The following MYO3B variants were observed in gnomAD, a reference collection of about 807,000 sequenced individuals.
MYO3B encodes the protein myosin-IIIb.
In MYO3B, 156 loss-of-function variants were observed where a neutral mutation model predicts 174.6. The observed-to-expected ratio is 0.89, with a 90% CI of 0.78 to 1.02. The LOEUF is 1.02. MYO3B is among the 50% of genes least tolerant of loss of function. MYO3B has a pLI of 0.00. For synonymous variants in MYO3B, 563 were observed against 569.1 expected (o/e 0.99, Z 0.15); for missense variants, 1,632 against 1,639.4 (o/e 1.00, Z 0.08).
At position 170,214,786 on chromosome 2, in the gene MYO3B, A is replaced by T; in HGVS notation, c.484A>T (p.Ile162Phe). 1 of 1,614,146 alleles carries T rather than the reference A, an allele frequency of 6.2e-7. No homozygotes were observed. The highest frequency in any genetic ancestry group is 8.5e-7 in the Non-Finnish European group (1 of 1,180,008). Residue 162 changes from isoleucine (I) to phenylalanine (F), a missense_variant, in exon 5 of 35, where the codon ATT (isoleucine) becomes TTT (phenylalanine). Coordinates refer to ENST00000408978, the MANE Select transcript of MYO3B (RefSeq NM_138995.5). ...IIHRDVKGNN[I>F]LLTTEGGVKL... is the part of the protein sequence containing the mutation. ...CCACCGTGATGTGAAGGGGAATAAC[A>T]TTCTTCTGACAACAGAAGGAGGAGT...
rs375081165 is a variant in MYO3B at position 170,387,309 on chromosome 2, G to A, written c.1577+1G>A. On this transcript the variant is annotated splice_donor_variant, in intron 14 of 34. Transcript: ENST00000408978. LOFTEE classifies it high-confidence loss of function. ...AATCCAGAGTTATAAAACAGGCAGC[G>A]TAGGTGCACTACTTTATCACTGTGT... The A allele has an allele frequency of 4.2e-5, 67 of 1,613,742 alleles. No homozygotes were observed. The highest frequency in any genetic ancestry group is 4.9e-5 in the Non-Finnish European group (58 of 1,179,800).
chr2:170,487,945 G>GA (rs1012627058), intron 25 of MYO3B, among the ~76,000 whole-genome samples: 10 of 152,062 alleles, frequency 6.6e-5, no homozygotes, highest in Admixed American at 3.3e-4. Flanking sequence ...TAACCAAGGG[G>GA]AAAAAAATAG....
At chr2:170,332,439 A>T (rs1403735570) in intron 7 of MYO3B, among the ~76,000 whole-genome samples, 2 of 152,176 alleles carry the variant, frequency 1.3e-5, no homozygotes, top group Non-Finnish European at 2.9e-5. Flanking sequence ...AAATGAAACA[A>T]AAGAATAACC....
At chr2:170,195,899 C>A (rs571927645) in intron 1 of MYO3B, among the ~76,000 whole-genome samples, 7 of 152,304 alleles carry the variant, frequency 4.6e-5, no homozygotes, top group Admixed American at 2.6e-4. Context: ...ATCTTTTAAT[C>A]CAAGCAAGTT....
chr2:170,389,866 T>C (rs1668081543), intron 14 of MYO3B, among the ~76,000 whole-genome samples: 1 of 152,126 alleles, frequency 6.6e-6, no homozygotes, highest in South Asian at 2.1e-4. Flanking sequence ...TATTTAAGCT[T>C]ACCGTTATTC....
chr2:170,269,708 CCAAA>C lies in MYO3B; in HGVS notation c.749+33576_749+33579del, dbSNP rs548632891. Among the ~76,000 whole-genome samples, 13 of 152,218 alleles carry C rather than the reference CCAAA, an allele frequency of 8.5e-5. No homozygotes were observed. The East Asian group carries it at 1.7e-3, about 20-fold the overall frequency. On this transcript the variant is annotated intron_variant, in intron 7 of 34. Transcript: ENST00000408978. ...AAACTAACCAAAAGTAGGGAAATGG[CCAAA>C]CAATTAGGATATATAAATTCTGTGG...
At chr2:170,391,910 T>C (rs958825706) in intron 15 of MYO3B, among the ~76,000 whole-genome samples, 4 of 151,810 alleles carry the variant, frequency 2.6e-5, no homozygotes, top group African/African-American at 4.8e-5. Context: ...ATCCCAGTGC[T>C]TTGGCAAGCT....
intron 22 of MYO3B, among the ~76,000 whole-genome samples, chr2:170,437,590 C>G (rs1465983747): frequency 1.3e-5 from 2 of 152,102 alleles, no homozygotes; most frequent in African/African-American, 4.8e-5. Context: ...ATACTTTTTC[C>G]TATCATATTT....
At chr2:170,292,898 G>A (rs934628284) in intron 7 of MYO3B, among the ~76,000 whole-genome samples, 1 of 152,098 alleles carries the variant, frequency 6.6e-6, no homozygotes, top group African/African-American at 2.4e-5. Flanking sequence ...GCTTCCAGTG[G>A]GTAGAGGCAA....
Position 170,653,057 on chromosome 2 carries a change from A to G in MYO3B, c.3962A>G (p.Asn1321Ser), listed in dbSNP as rs990632851. The change falls in exon 35 of 35, where the codon AAC becomes AGC. Residue 1321 changes from asparagine to serine, a missense_variant. Coordinates refer to ENST00000408978, the MANE Select transcript of MYO3B (RefSeq NM_138995.5). ...LSPVDCIPEENNSAHPSFFSS... is the reference protein window; with the variant it reads ...LSPVDCIPEESNSAHPSFFSS... ...CCAGTGGACTGTATCCCTGAGGAGA[A>G]CAACTCAGCCCACCCTTCCTTTTTT... 1 of 1,614,200 alleles carries G rather than the reference A, an allele frequency of 6.2e-7. No homozygotes were observed.
chr2:170,197,856 T>C lies in MYO3B; in HGVS notation c.3-1352T>C, dbSNP rs2092617532. On this transcript the variant is annotated intron_variant, in intron 1 of 34. Transcript: ENST00000408978. Reference sequence around the variant, plus strand: ...GACCTGTTATTGAAAGAAGGGTAGATGGTGTACAATCACCTTGAAAAAAGT... The same window carrying C: ...GACCTGTTATTGAAAGAAGGGTAGACGGTGTACAATCACCTTGAAAAAAGT... 2.0e-5 allele frequency among the ~76,000 whole-genome samples: 3 copies of C among 152,200 alleles called. No individual in the cohort carries two copies. The South Asian group carries it at 6.2e-4, about 31-fold the overall frequency.
intron 16 of MYO3B, among the ~76,000 whole-genome samples, chr2:170,394,432 A>G (rs890471611): frequency 4.6e-5 from 7 of 152,244 alleles, no homozygotes; most frequent in Non-Finnish European, 5.9e-5. Flanking sequence ...ACACTAAAGC[A>G]TTAAAAACAG....
At chr2:170,474,692 G>A (rs374875956) in intron 25 of MYO3B, among the ~76,000 whole-genome samples, 2 of 132,740 alleles carry the variant, frequency 1.5e-5, no homozygotes, top group African/African-American at 5.6e-5. Context: ...GCGGTGAGCC[G>A]AGATCACCCC....
intron 25 of MYO3B, among the ~76,000 whole-genome samples, chr2:170,467,246 G>C (rs1471277362): frequency 6.6e-6 from 1 of 152,156 alleles, no homozygotes; most frequent in Non-Finnish European, 1.5e-5. Flanking sequence ...GAAAACTTGG[G>C]TATGAAAAGA....
At chr2:170,207,269 G>A (rs1008291618) in intron 3 of MYO3B, among the ~76,000 whole-genome samples, 5 of 152,092 alleles carry the variant, frequency 3.3e-5, no homozygotes, top group Non-Finnish European at 7.4e-5. Context: ...CTCCCTCAGA[G>A]GCCTATCTAA....
intron 22 of MYO3B, among the ~76,000 whole-genome samples, chr2:170,426,192 C>T (rs1411768265): frequency 6.6e-6 from 1 of 151,354 alleles, no homozygotes; most frequent in Non-Finnish European, 1.5e-5. Context: ...AGAAGATAAA[C>T]AGGGGGTGCT....
chr2:170,637,559 A>T (rs1697624356), intron 32 of MYO3B, among the ~76,000 whole-genome samples: 1 of 152,188 alleles, frequency 6.6e-6, no homozygotes, highest in African/African-American at 2.4e-5. Flanking sequence ...GGAGAAATTC[A>T]GATCTCTTGC....
At chr2:170,375,546 A>T (rs1207556274) in intron 9 of MYO3B, among the ~76,000 whole-genome samples, 2 of 151,252 alleles carry the variant, frequency 1.3e-5, no homozygotes, top group African/African-American at 4.9e-5. Context: ...ATGGGTTGTC[A>T]TGTCGCCCTT....
chr2:170,334,224 T>A (rs975701874), intron 7 of MYO3B: 1 of 152,256 alleles, frequency 6.6e-6, no homozygotes, highest in Admixed American at 6.5e-5. Context: ...TCTATTTATA[T>A]ATCATTGACT....
Sources: allele counts gnomAD v4.1 joint callset (sites outside exome capture counted in the v4.1 genomes callset), GRCh38; gene constraint gnomAD v4.1.1; transcripts MANE v1.5; gene names NCBI Gene and HGNC (gene_info 2026-07-23, HGNC 2026-07-21).